The following ZNF93 variants were observed in gnomAD, a reference collection of about 807,000 sequenced individuals.
The protein encoded by ZNF93 is zinc finger protein 93.
In ZNF93, 29 loss-of-function variants were observed where a neutral mutation model predicts 45.0. The observed-to-expected ratio is 0.64, with a 90% CI of 0.48 to 0.88. The LOEUF (loss-of-function observed/expected upper bound fraction) is 0.88. Among genes scored for constraint, ZNF93 ranks in the 40% least tolerant of loss-of-function variants. The pLI, the probability that ZNF93 is intolerant of heterozygous loss-of-function variation, is 0.00. For synonymous variants in ZNF93, 223 were observed against 244.6 expected, an observed-to-expected ratio of 0.91 and a Z score of 0.82; for missense variants, 578 against 724.0, an observed-to-expected ratio of 0.80 and a Z score of 2.31.
chr19:19,929,935 C>T (rs1464111913), intron 3 of ZNF93, among the ~76,000 whole-genome samples: 1 of 36,220 alleles, frequency 2.8e-5, no homozygotes, highest in Non-Finnish European at 4.3e-5. Context: ...GAGACTCCGT[C>T]TCAAAAAAAA....
At chr19:19,921,998 A>G (rs113314040) in intron 3 of ZNF93, among the ~76,000 whole-genome samples, 15,481 of 152,092 alleles carry the variant, frequency 0.1, 1,535 homozygotes, top group African/African-American at 0.26. Context: ...GATGTTAGCT[A>G]GTTATTTTGC....
intron 3 of ZNF93, 131 bp downstream of exon 3, chr19:19,916,786 T>G (rs1328957105): frequency 4.7e-6 from 3 of 642,072 alleles, no homozygotes; most frequent in African/African-American, 3.8e-5. Context: ...CAGCTGTTTT[T>G]TGTTTTTGTT....
In ZNF93 at chr19:19,915,265, G is replaced by T. The variant is rs2063320310; in HGVS notation, c.4-15G>T. Reference sequence around the variant, plus strand: ...CCATGGCCACTTGGTGAAAATGTGTGTGTGTGTTTTTCAGGGACCATTGCA... The same window carrying T: ...CCATGGCCACTTGGTGAAAATGTGTTTGTGTGTTTTTCAGGGACCATTGCA... On this transcript the variant is annotated splice_polypyrimidine_tract_variant and intron_variant, in intron 1 of 3. Transcript: ENST00000343769. 14 of 1,613,510 alleles carry T rather than the reference G, an allele frequency of 8.7e-6. No homozygotes were observed. The highest frequency in any genetic ancestry group is 3.3e-4 in the Middle Eastern group (2 of 6,054).
chr19:19,909,924 A>G (rs2063303003), intron 1 of ZNF93, among the ~76,000 whole-genome samples: 1 of 152,230 alleles, frequency 6.6e-6, no homozygotes, highest in Non-Finnish European at 1.5e-5. Flanking sequence ...TCACTTCTAG[A>G]GAGGCTAGAC....
intron 1 of ZNF93, among the ~76,000 whole-genome samples, 197 bp from the exon 2 acceptor site, chr19:19,915,080 ATGT>A (rs2063319550): frequency 1.3e-5 from 2 of 152,184 alleles, no homozygotes; most frequent in African/African-American, 2.4e-5. Flanking sequence ...ATATGAACTG[ATGT>A]TGTGGATCTA....
intron 3 of ZNF93, among the ~76,000 whole-genome samples, chr19:19,917,891 ATTT>A: frequency 6.6e-6 from 1 of 151,204 alleles, no homozygotes; most frequent in South Asian, 2.1e-4. Context: ...CTTTTTACTT[ATTT>A]TTCTTCAATT....
Position 19,933,250 on chromosome 19 carries a change from A to T in ZNF93, c.295A>T (p.Ile99Leu), listed in dbSNP as rs750766392. The T allele has an allele frequency of 6.2e-7, 1 of 1,609,718 alleles. No individual in the cohort carries two copies. Among genetic ancestry groups the T allele is most frequent in the Admixed American group, 1.7e-5 (1 of 59,410 alleles). The change falls in exon 4 of 4, where the codon ATA becomes TTA. Residue 99 changes from isoleucine (I) to leucine (L), a missense_variant. Around this residue, in one of 3 missense-constraint regions of ZNF93, gnomAD observed 446 missense variants for 547.6 expected, o/e 0.81. Coordinates refer to ENST00000343769, the MANE Select transcript of ZNF93 (RefSeq NM_031218.4). ...QNIKDSFQKVILRRYEKRGHG... is the reference protein window; with the variant it reads ...QNIKDSFQKVLLRRYEKRGHG... The stretch of plus-strand genomic sequence containing the variant: ...CATAAAAGATTCTTTCCAAAAAGTG[A>T]TACTGAGAAGATATGAAAAACGTGG...
At chr19:19,921,006 C>T (rs989848309) in intron 3 of ZNF93, among the ~76,000 whole-genome samples, 18 of 152,230 alleles carry the variant, frequency 1.2e-4, no homozygotes, top group African/African-American at 4.3e-4. Context: ...TTTGCTCTTG[C>T]TTCTCTAGTT....
Position 19,934,957 on chromosome 19 carries a change from A to T in ZNF93, c.*139A>T, listed in dbSNP as rs2063388699. ...AGGTCCTGCCATTTCGGAGACCTGG[A>T]GGAAGTGGCCCATTTACAGCCATGT... On this transcript the variant is annotated 3_prime_UTR_variant, in exon 4 of 4. Transcript: ENST00000343769. 4 of 950,064 alleles carry T rather than the reference A, an allele frequency of 4.2e-6. No homozygotes were observed. The highest frequency in any genetic ancestry group is 6.1e-6 in the Non-Finnish European group (4 of 656,262). 58.9% of individuals were successfully genotyped at this position (950,064 alleles called of 1,614,324 possible). A position where few individuals can be genotyped will look rare whatever the true frequency, so the allele number is the denominator to read the frequency against.
chr19:19,923,955 A>G (rs1257018029), intron 3 of ZNF93, among the ~76,000 whole-genome samples: 1 of 152,162 alleles, frequency 6.6e-6, no homozygotes, highest in Admixed American at 6.5e-5. Flanking sequence ...TCCCAGTGAG[A>G]TGAACCCGGT....
Position 19,914,925 on chromosome 19 carries a change from G to C in ZNF93, c.4-355G>C, listed in dbSNP as rs114027525. On this transcript the variant is annotated intron_variant, in intron 1 of 3. Transcript: ENST00000343769. ...CAGCTTATTGTACATATTAAAATTT[G>C]AGAGGTGACTTCTAACTCAACATGT... is the stretch of plus-strand genomic sequence containing the variant. 3.4e-3 allele frequency: 1,078 copies of C among 317,854 alleles called. 12 individuals are homozygous for C. Among genetic ancestry groups the C allele is most frequent in the African/African-American group, 0.023 (1,022 of 44,014 alleles). The allele number at this position is 317,854 out of a possible 1,614,324, so 19.7% of individuals were successfully genotyped here. A position where few individuals can be genotyped will look rare whatever the true frequency, so the allele number is the denominator to read the frequency against.
intron 3 of ZNF93, among the ~76,000 whole-genome samples, chr19:19,922,968 T>A (rs1335587165): frequency 2.6e-5 from 4 of 152,240 alleles, no homozygotes; most frequent in African/African-American, 9.6e-5. Context: ...CTTTGTTCCA[T>A]TGCTGGTGAG....
In ZNF93 at chr19:19,934,284, T is replaced by C. The variant is rs2063385652; in HGVS notation, c.1329T>C (p.His443=). ...AFVASSTLSK[H]EIIHTGKKPY... ...TTGCATCCTCAACCCTTAGTAAACATGAGATCATTCATACTGGAAAGAAAC... is the reference window on the plus strand; with the variant it reads ...TTGCATCCTCAACCCTTAGTAAACACGAGATCATTCATACTGGAAAGAAAC... Residue 443 remains histidine (H), a synonymous_variant, in exon 4 of 4, where the codon CAT becomes CAC. Transcript: ENST00000343769. 6 of 1,612,622 alleles carry C rather than the reference T, an allele frequency of 3.7e-6. No homozygotes were observed. The highest frequency in any genetic ancestry group is 4.2e-6 in the Non-Finnish European group (5 of 1,179,684).
At chr19:19,922,666 T>C (rs922250036) in intron 3 of ZNF93, among the ~76,000 whole-genome samples, 2 of 152,316 alleles carry the variant, frequency 1.3e-5, no homozygotes, top group South Asian at 4.1e-4. Context: ...TAAACTTCCC[T>C]TCTCGCTTCA....
At chr19:19,930,245 T>A (rs2063369544) in intron 3 of ZNF93, among the ~76,000 whole-genome samples, 2 of 152,180 alleles carry the variant, frequency 1.3e-5, no homozygotes, top group African/African-American at 2.4e-5. Flanking sequence ...CCATTATTTC[T>A]GCATATCAGA....
At chr19:19,918,880 A>C (rs1163078391) in intron 3 of ZNF93, among the ~76,000 whole-genome samples, 3 of 151,150 alleles carry the variant, frequency 2.0e-5, no homozygotes, top group African/African-American at 7.3e-5. Flanking sequence ...AGATTGCAAA[A>C]ATTTTCTCCC....
intron 1 of ZNF93, among the ~76,000 whole-genome samples, chr19:19,905,683 C>T (rs534036207): frequency 1.4e-4 from 22 of 152,256 alleles, no homozygotes; most frequent in African/African-American, 4.8e-4. Context: ...CTCAGCCTCC[C>T]AGGCTCAAGG....
chr19:19,926,024 A>C (rs1022849054), intron 3 of ZNF93: 7 of 152,062 alleles, frequency 4.6e-5, no homozygotes, highest in African/African-American at 1.7e-4. Flanking sequence ...AATGATTCAA[A>C]ATACCTGCAC....
intron 3 of ZNF93, among the ~76,000 whole-genome samples, chr19:19,931,573 C>G (rs879543863): frequency 1.5e-4 from 23 of 152,296 alleles, no homozygotes; most frequent in African/African-American, 4.8e-4. Flanking sequence ...CCATGTTGCC[C>G]AGGCTGATCT....
Sources: allele counts gnomAD v4.1 joint callset (sites outside exome capture counted in the v4.1 genomes callset), GRCh38; gene constraint gnomAD v4.1.1; regional missense constraint gnomAD v4.1.1; transcripts MANE v1.5; gene names NCBI Gene and HGNC (gene_info 2026-07-23, HGNC 2026-07-21).